SLCO2B1: variants seen among roughly 807,000 people sequenced by gnomAD.
SLCO2B1 encodes the protein OATP-RP2.
In SLCO2B1, 41 loss-of-function variants were observed where a neutral mutation model predicts 67.3. That is an observed-to-expected ratio of 0.61 (90% CI 0.47 to 0.79). The LOEUF (loss-of-function observed/expected upper bound fraction) is 0.79. SLCO2B1 is among the 30% of genes least tolerant of loss of function. The pLI, the probability that SLCO2B1 is intolerant of heterozygous loss-of-function variation, is 0.00. For synonymous variants in SLCO2B1, 379 were observed against 381.4 expected, an observed-to-expected ratio of 0.99 and a Z score of 0.07; for missense variants, 837 against 920.1, an observed-to-expected ratio of 0.91 and a Z score of 1.17.
intron 1 of SLCO2B1, among the ~76,000 whole-genome samples, chr11:75,157,860 C>T (rs991351378): frequency 6.6e-6 from 1 of 152,110 alleles, no homozygotes; most frequent in African/African-American, 2.4e-5. Context: ...CCATGTCACC[C>T]AGGCTACTCT....
intron 11 of SLCO2B1, chr11:75,200,633 TG>T: frequency 2.3e-6 from 1 of 442,130 alleles, no homozygotes; most frequent in South Asian, 4.2e-5. Flanking sequence ...TAGCAAGTGT[TG>T]GGTGGAATAG....
intron 1 of SLCO2B1, among the ~76,000 whole-genome samples, chr11:75,161,243 A>T (rs1949816277): frequency 6.6e-6 from 1 of 152,244 alleles, no homozygotes; most frequent in African/African-American, 2.4e-5. Flanking sequence ...GAATATAGGC[A>T]GATTCATAGA....
chr11:75,201,646 G>A (rs1453260676), intron 11 of SLCO2B1: 1 of 152,194 alleles, frequency 6.6e-6, no homozygotes, highest in Non-Finnish European at 1.5e-5. Flanking sequence ...ATTTGCTAGA[G>A]TGGCTCACAG....
intron 7 of SLCO2B1, among the ~76,000 whole-genome samples, chr11:75,173,884 C>T (rs954769664): frequency 6.6e-6 from 1 of 152,004 alleles, no homozygotes; most frequent in Admixed American, 6.5e-5. Flanking sequence ...CTCACCACAA[C>T]CTCCAACTCC....
chr11:75,203,170 C>G, intron 12 of SLCO2B1, 137 bp from the exon 13 acceptor site: 1 of 1,329,628 alleles, frequency 7.5e-7, no homozygotes, highest in Non-Finnish European at 1.0e-6. Context: ...ACCTCGGATG[C>G]AGGGGTGGGG....
intron 6 of SLCO2B1, 35 bp downstream of exon 6, chr11:75,169,799 GCTAA>G (rs1949938015): frequency 1.3e-6 from 2 of 1,560,378 alleles, no homozygotes; most frequent in African/African-American, 1.4e-5. Context: ...CTAGACCCTA[GCTAA>G]CTGACTGCCA....
Position 75,163,665 on chromosome 11 carries a change from G to A in SLCO2B1, c.148-298G>A, listed in dbSNP as rs556491135. On this transcript the variant is annotated intron_variant, in intron 2 of 13. Coordinates refer to ENST00000289575, the MANE Select transcript of SLCO2B1 (RefSeq NM_007256.5). ...AGGCTCCTGGAGTGTACCCAGGATA[G>A]CTTTTCTAGTTTTTAGTCCTGTGTG... Among the ~76,000 whole-genome samples, 3 of 152,206 alleles carry A rather than the reference G, an allele frequency of 2.0e-5. No homozygotes were observed. The East Asian group carries it at 5.8e-4, about 29-fold the overall frequency.
chr11:75,167,285 G>C (rs910549469), intron 4 of SLCO2B1, among the ~76,000 whole-genome samples: 14 of 152,186 alleles, frequency 9.2e-5, no homozygotes, highest in Non-Finnish European at 1.8e-4. Context: ...CTTGTCAAGA[G>C]AACTGCTTGG....
At chr11:75,179,978 C>T (rs1037279062) in intron 7 of SLCO2B1, among the ~76,000 whole-genome samples, 2 of 151,292 alleles carry the variant, frequency 1.3e-5, no homozygotes, top group African/African-American at 4.9e-5. Context: ...AGGCGTGAGC[C>T]ACCACACCTG....
At chr11:75,182,530 G>A (rs1017411626) in intron 7 of SLCO2B1, among the ~76,000 whole-genome samples, 1 of 152,180 alleles carries the variant, frequency 6.6e-6, no homozygotes, top group African/African-American at 2.4e-5. Context: ...ATCACCCGAG[G>A]TCAGGAGTTC....
At chr11:75,190,471 C>T (rs958612258) in intron 8 of SLCO2B1, among the ~76,000 whole-genome samples, 3 of 152,210 alleles carry the variant, frequency 2.0e-5, no homozygotes, top group African/African-American at 7.2e-5. Context: ...CTAGGAAAGG[C>T]CCCTGTCAGA....
Position 75,159,881 on chromosome 11 carries a change from G to A in SLCO2B1, c.17-2774G>A. On this transcript the variant is annotated intron_variant, in intron 1 of 13. Coordinates refer to ENST00000289575, the MANE Select transcript of SLCO2B1 (RefSeq NM_007256.5). The stretch of plus-strand genomic sequence containing the variant: ...TTCAGGGAGAGCCAGAGGTGAGGCT[G>A]GAGTGGGAGATCACCTGAGGCAGGT... 3 of 985,764 alleles carry A rather than the reference G, an allele frequency of 3.0e-6. No individual in the cohort carries two copies. In the South Asian group the frequency reaches 1.4e-4, roughly 46 times the overall value. The allele number at this position is 985,764 out of a possible 1,614,324, so 61.1% of individuals were successfully genotyped here.
rs1945277244 is a variant in SLCO2B1, at chr11:75,206,386, C to T, written c.*1806C>T. On this transcript the variant is annotated 3_prime_UTR_variant, in exon 14 of 14. Transcript: ENST00000289575. ...CACCATTATTGCTTGTATATTACATCTTTTCCAATCTTTATATTCTGGTCT... is the reference window on the plus strand; with the variant it reads ...CACCATTATTGCTTGTATATTACATTTTTTCCAATCTTTATATTCTGGTCT... The T allele has an allele frequency of 1.3e-5, 2 of 152,176 alleles. No homozygotes were observed. Among genetic ancestry groups the T allele is most frequent in the Non-Finnish European group, 2.9e-5 (2 of 68,036 alleles). 9.4% of individuals were successfully genotyped at this position (152,176 alleles called of 1,614,324 possible).
At chr11:75,200,079 G>T in intron 10 of SLCO2B1, 145 bp from the exon 11 acceptor site, 1 of 765,550 alleles carries the variant, frequency 1.3e-6, no homozygotes. Flanking sequence ...CTCAGCCAAC[G>T]GGTCACGATC....
At chr11:75,181,298 A>T (rs1950088879) in intron 7 of SLCO2B1, among the ~76,000 whole-genome samples, 1 of 147,086 alleles carries the variant, frequency 6.8e-6, no homozygotes, top group South Asian at 2.2e-4. Flanking sequence ...TGAACCCGGG[A>T]GGTGGAGGTT....
rs75517163 is a variant in SLCO2B1 at position 75,185,484 on chromosome 11, C to A, written c.973-2652C>A. Among the ~76,000 whole-genome samples the A allele has an allele frequency of 7.7e-3, 1,165 of 150,348 alleles. 14 individuals carry two copies. The highest frequency in any genetic ancestry group is 0.027 in the African/African-American group (1,112 of 40,696). ...GGTAGCCTCTTCCAAACTGCTGTCC[C>A]CATTGGGTATAAGTCTCTTTTTTTT... On this transcript the variant is annotated intron_variant, in intron 7 of 13. Transcript: ENST00000289575.
At position 75,193,558 on chromosome 11, in the gene SLCO2B1, C is replaced by T; in HGVS notation, c.1416C>T (p.Gly472=). The change falls in exon 9 of 14, where the codon GGC becomes GGT. Residue 472 remains glycine, a synonymous_variant. Coordinates refer to ENST00000289575, the MANE Select transcript of SLCO2B1 (RefSeq NM_007256.5). The surrounding 1 kb of genome is among the most constrained non-coding windows in gnomAD (Gnocchi z 4.2). ...FIGCSSHQIA[G]ITHQTSAHPG... is the part of the protein sequence containing the mutation. The stretch of plus-strand genomic sequence containing the variant: ...GCTGCTCCAGCCACCAGATTGCGGG[C>T]ATCACACACCAGACCAGGTGAGTGT... 5 of 1,558,916 alleles carry T rather than the reference C, an allele frequency of 3.2e-6. No homozygotes were observed. Among genetic ancestry groups the T allele is most frequent in the Non-Finnish European group, 4.3e-6 (5 of 1,151,748 alleles).
At chr11:75,153,184 A>T (rs1432819866) in intron 1 of SLCO2B1, among the ~76,000 whole-genome samples, 2 of 151,938 alleles carry the variant, frequency 1.3e-5, no homozygotes, top group African/African-American at 4.8e-5. Flanking sequence ...CCAAATGCCA[A>T]CTCCTCCAGG....
chr11:75,165,960 C>G lies in SLCO2B1; in HGVS notation c.448+11C>G, dbSNP rs1389886453. On this transcript the variant is annotated intron_variant, in intron 4 of 13. Coordinates refer to ENST00000289575, the MANE Select transcript of SLCO2B1 (RefSeq NM_007256.5). ...ACAACACCAGCCCTGGTAAGAGCAGCAGGGGCTGGGCAGGAGTGGGACGTT... is the reference window on the plus strand; with the variant it reads ...ACAACACCAGCCCTGGTAAGAGCAGGAGGGGCTGGGCAGGAGTGGGACGTT... 1 of 1,610,582 alleles carries G rather than the reference C, an allele frequency of 6.2e-7. No homozygotes were observed. Among genetic ancestry groups the G allele is most frequent in the Admixed American group, 1.7e-5 (1 of 59,790 alleles).
Sources: allele counts gnomAD v4.1 joint callset (sites outside exome capture counted in the v4.1 genomes callset), GRCh38; gene constraint gnomAD v4.1.1; non-coding constraint Gnocchi (gnomAD v3.1); transcripts MANE v1.5; gene names NCBI Gene and HGNC (gene_info 2026-07-23, HGNC 2026-07-21).